Variants in PCDHA5 observed in about 807,000 individuals in gnomAD.
PCDHA5 encodes the protein protocadherin alpha 5.
A neutral mutation model predicts 61.6 loss-of-function variants in PCDHA5; 43 were observed. The ratio of observed to expected loss-of-function variants is 0.70; its 90% CI spans 0.55 to 0.90. The LOEUF (loss-of-function observed/expected upper bound fraction) is 0.90, where lower values mean the gene tolerates loss of function less well. Ranked by LOEUF, PCDHA5 falls within the 40% of genes least tolerant of loss-of-function variation. The pLI, the probability that PCDHA5 is intolerant of heterozygous loss-of-function variation, is 0.00. For missense variants in PCDHA5, 1,298 were observed against 1,222.7 expected (o/e 1.06, Z -0.92); for synonymous variants, 627 against 543.9 (o/e 1.15, Z -2.13).
intron 3 of PCDHA5, among the ~76,000 whole-genome samples, chr5:140,990,912 A>G (rs1415853627): frequency 1.3e-5 from 2 of 152,148 alleles, no homozygotes; most frequent in African/African-American, 4.8e-5. Context: ...CAAGTTTTAT[A>G]AGTCTTTAAA....
chr5:140,862,674 C>A (rs782474067), intron 1 of PCDHA5: 5 of 549,972 alleles, frequency 9.1e-6, no homozygotes, highest in Non-Finnish European at 1.5e-5. Context: ...CGCAGGAGAA[C>A]GTGCTGGTGT....
intron 1 of PCDHA5, among the ~76,000 whole-genome samples, chr5:140,961,335 A>G (rs548773476): frequency 1.6e-4 from 24 of 152,322 alleles, no homozygotes; most frequent in African/African-American, 5.8e-4. Context: ...TGAGAGACCA[A>G]GAGTGGATCC....
At chr5:140,876,768 G>A (rs2056572417) in intron 1 of PCDHA5, 3 of 1,614,212 alleles carry the variant, frequency 1.9e-6, no homozygotes, top group Non-Finnish European at 2.5e-6. Flanking sequence ...ATGGGGGCTC[G>A]CCTTCGCTGT....
chr5:140,869,343 G>A (rs1554162925), intron 1 of PCDHA5: 1 of 1,613,974 alleles, frequency 6.2e-7, no homozygotes, highest in African/African-American at 1.3e-5. Context: ...TAAATCTGCA[G>A]AATGGCATTT....
chr5:140,908,596 T>C (rs1311064984), intron 1 of PCDHA5, among the ~76,000 whole-genome samples: 1 of 152,120 alleles, frequency 6.6e-6, no homozygotes, highest in African/African-American at 2.4e-5. Flanking sequence ...CTGCAGAAGA[T>C]GGAAGGGCCT....
intron 1 of PCDHA5, chr5:140,870,730 C>T: frequency 1.4e-5 from 23 of 1,613,398 alleles, no homozygotes; most frequent in Non-Finnish European, 1.9e-5. Context: ...GGGCGTGCCG[C>T]CTCTGAGCAG....
chr5:141,008,953 A>G (rs1554261966), intron 3 of PCDHA5, among the ~76,000 whole-genome samples: 1 of 152,240 alleles, frequency 6.6e-6, no homozygotes, highest in African/African-American at 2.4e-5. Context: ...CAAAATAGAC[A>G]TCCTAATACA....
chr5:140,855,043 A>T (rs1177113480), intron 1 of PCDHA5, among the ~76,000 whole-genome samples: 2 of 149,900 alleles, frequency 1.3e-5, no homozygotes, highest in African/African-American at 4.9e-5. Flanking sequence ...TTTTTCTGTA[A>T]TAGTACTTTT....
At chr5:140,870,346 G>A in intron 1 of PCDHA5, 5 of 1,614,236 alleles carry the variant, frequency 3.1e-6, no homozygotes, top group Non-Finnish European at 4.2e-6. Context: ...CCTGGACCGC[G>A]AGAACGTGTG....
At chr5:140,849,170 C>T in intron 1 of PCDHA5, 2 of 1,111,514 alleles carry the variant, frequency 1.8e-6, no homozygotes, top group East Asian at 2.6e-5. Context: ...TGACTGGCAC[C>T]GTTCAATTAC....
chr5:140,835,731 G>A, intron 1 of PCDHA5: 3 of 1,613,790 alleles, frequency 1.9e-6, no homozygotes, highest in Non-Finnish European at 2.5e-6. Flanking sequence ...CGACGTGAAC[G>A]ACAACGCCCC....
At chr5:140,883,635 C>T (rs997170789) in intron 1 of PCDHA5, 1 of 1,613,182 alleles carries the variant, frequency 6.2e-7, no homozygotes, top group Non-Finnish European at 8.5e-7. Flanking sequence ...CCGGCGTTCG[C>T]GCAGCCCGAG....
chr5:140,887,101 C>CT (rs200717289), intron 1 of PCDHA5, among the ~76,000 whole-genome samples: 1,545 of 145,196 alleles, frequency 0.011, 15 homozygotes, highest in African/African-American at 0.022. Flanking sequence ...ATCTTTATCT[C>CT]TTTTTTTTTT....
At chr5:140,861,501 C>A in intron 1 of PCDHA5, 1 of 480,612 alleles carries the variant, frequency 2.1e-6, no homozygotes, top group South Asian at 1.6e-5. Flanking sequence ...TCTGATAGAC[C>A]TCGAGGAGCT....
intron 1 of PCDHA5, chr5:140,929,578 TA>T: frequency 2.2e-6 from 1 of 445,404 alleles, no homozygotes; most frequent in Non-Finnish European, 4.0e-6. Flanking sequence ...ATAAAAGTAA[TA>T]TGACATAAAG....
At chr5:140,871,004 G>T in intron 1 of PCDHA5, 1 of 1,613,410 alleles carries the variant, frequency 6.2e-7, no homozygotes, top group Non-Finnish European at 8.5e-7. Context: ...AGCACAACGC[G>T]TGCCCTGGAC....
rs2150263250 is a variant in PCDHA5 at position 140,836,539 on chromosome 5, C to A, written c.2352+12412C>A. On this transcript the variant is annotated intron_variant, in intron 1 of 3. Transcript: ENST00000529859. ...TTGGTGCTTACCCTGCTGCTGTACA[C>A]GGCGTTGCGGTGCTCAGCGCCGTCC... 8.1e-6 allele frequency: 13 copies of A among 1,613,680 alleles called. No individual in the cohort carries two copies. In the South Asian group the frequency reaches 1.1e-4, roughly 14 times the overall value.
At chr5:140,998,136 C>T (rs2153950850) in intron 3 of PCDHA5, among the ~76,000 whole-genome samples, 1 of 152,308 alleles carries the variant, frequency 6.6e-6, no homozygotes, top group South Asian at 2.1e-4. Context: ...TAATAGCTAA[C>T]CTGTACTGAA....
In PCDHA5 at chr5:140,822,292, C is replaced by T; in HGVS notation, c.517C>T (p.Pro173Ser). The part of the protein sequence containing the change: ...ANAQLRYRLN[P>S]NEYFDLDVKT... The stretch of plus-strand genomic sequence containing the variant: ...TGCACAATTGAGATACAGGTTAAAT[C>T]CAAACGAATATTTTGACTTAGATGT... The change falls in exon 1 of 4, where the codon CCA (proline) becomes TCA (serine). Residue 173 changes from proline to serine, a missense_variant. By Grantham distance (74) the Pro-to-Ser change is moderately conservative (BLOSUM62 -1). Transcript: ENST00000529859. The T allele has an allele frequency of 6.2e-7, 1 of 1,614,190 alleles. No homozygotes were observed.
Sources: allele counts gnomAD v4.1 joint callset (sites outside exome capture counted in the v4.1 genomes callset), GRCh38; gene constraint gnomAD v4.1.1; transcripts MANE v1.5; gene names NCBI Gene and HGNC (gene_info 2026-07-23, HGNC 2026-07-21).